The following PCDHGB4 variants were observed in gnomAD, a reference collection of about 807,000 sequenced individuals.
The protein encoded by PCDHGB4 is protocadherin gamma subfamily B, 4.
Under a neutral mutation model 60.5 loss-of-function variants are expected in PCDHGB4, and 38 were observed. The observed-to-expected ratio is 0.63, with a 90% CI of 0.48 to 0.82. The LOEUF (loss-of-function observed/expected upper bound fraction) is 0.82. Among genes scored for constraint, PCDHGB4 ranks in the 40% least tolerant of loss-of-function variants. PCDHGB4 has a pLI of 0.00. For missense variants in PCDHGB4, 1,109 were observed against 1,209.6 expected (o/e 0.92, Z 1.23); for synonymous variants, 456 against 509.7 (o/e 0.89, Z 1.42).
intron 1 of PCDHGB4, chr5:141,422,638 T>G (rs1412270971): frequency 6.2e-7 from 1 of 1,612,392 alleles, no homozygotes. Context: ...CAGGGGTGCC[T>G]CCATCTTCTC....
chr5:141,492,787 G>A (rs1308203463), intron 1 of PCDHGB4, among the ~76,000 whole-genome samples: 2 of 152,254 alleles, frequency 1.3e-5, no homozygotes, highest in Admixed American at 6.5e-5. Context: ...AGCCTCTATA[G>A]GACAGCAGGA....
Position 141,477,598 on chromosome 5 carries a change from C to A in PCDHGB4, c.2398-17209C>A. The A allele has an allele frequency of 6.2e-7, 1 of 1,614,180 alleles. No homozygotes were observed. The highest frequency in any genetic ancestry group is 8.5e-7 in the Non-Finnish European group (1 of 1,180,030). ...CCCCGCAGAATGCTCGGCTTTCTTT[C>A]TTTCTCTTGGAGCAAGGAGCTGAAA... On this transcript the variant is annotated intron_variant, in intron 1 of 3. Transcript: ENST00000519479. This position sits in a 1 kb window ranked among gnomAD's most constrained non-coding sequence, Gnocchi z 4.9.
chr5:141,414,210 T>G (rs1252033650), intron 1 of PCDHGB4: 1 of 1,612,706 alleles, frequency 6.2e-7, no homozygotes, highest in Admixed American at 1.7e-5. Context: ...AAGATGTAAA[T>G]GACAACAGTC....
chr5:141,481,658 T>C (rs910422064), intron 1 of PCDHGB4, among the ~76,000 whole-genome samples: 2 of 150,554 alleles, frequency 1.3e-5, no homozygotes, highest in East Asian at 2.0e-4. Context: ...TCTCTACTAA[T>C]AATACAAAAA....
At chr5:141,409,181 C>T (rs1280456560) in intron 1 of PCDHGB4, 2 of 1,613,992 alleles carry the variant, frequency 1.2e-6, no homozygotes, top group Non-Finnish European at 1.7e-6. Flanking sequence ...CGGAGGTGGT[C>T]TCTCTACCCA....
rs569260568 is a variant in PCDHGB4, at chr5:141,408,294, A to G, written c.2397+18013A>G. The G allele has an allele frequency of 2.0e-5, 33 of 1,613,508 alleles. No homozygotes were observed. The East Asian group carries it at 7.1e-4, about 35-fold the overall frequency. ...CCTTTGTTCTACCCCACCCTGAGTG[A>G]GCCGATCCGCTACTCGATTCCGGAG... is the stretch of plus-strand genomic sequence containing the variant. On this transcript the variant is annotated intron_variant, in intron 1 of 3. Coordinates refer to ENST00000519479, the MANE Select transcript of PCDHGB4 (RefSeq NM_003736.4).
intron 1 of PCDHGB4, chr5:141,415,014 C>T (rs747951360): frequency 1.2e-6 from 2 of 1,613,620 alleles, no homozygotes; most frequent in Non-Finnish European, 1.7e-6. Context: ...ACCGTCTGCT[C>T]AAGGCCAGCG....
At chr5:141,410,458 T>A in intron 1 of PCDHGB4, 1 of 1,614,040 alleles carries the variant, frequency 6.2e-7, no homozygotes, top group African/African-American at 1.3e-5. Flanking sequence ...CTTATTCTTA[T>A]AATCTGTGCA....
At chr5:141,404,224 AAC>A (rs1416261372) in intron 1 of PCDHGB4, 1 of 1,613,704 alleles carries the variant, frequency 6.2e-7, no homozygotes, top group Non-Finnish European at 8.5e-7. Flanking sequence ...CGGTGACTGC[AAC>A]AGACAGAGGA....
intron 3 of PCDHGB4, among the ~76,000 whole-genome samples, chr5:141,510,660 G>A (rs2099882170): frequency 1.3e-5 from 2 of 152,174 alleles, no homozygotes; most frequent in East Asian, 1.9e-4. Context: ...TTTTGCAGAT[G>A]AGAAAACTGA....
At chr5:141,394,072 T>C (rs1384581843) in intron 1 of PCDHGB4, 4 of 1,613,840 alleles carry the variant, frequency 2.5e-6, no homozygotes, top group Non-Finnish European at 3.4e-6. Context: ...ATCTACAATA[T>C]CACAGTGATG....
At chr5:141,464,611 A>G (rs2099087451) in intron 1 of PCDHGB4, among the ~76,000 whole-genome samples, 3 of 152,194 alleles carry the variant, frequency 2.0e-5, no homozygotes, top group African/African-American at 7.2e-5. Context: ...TTTGCAGAGT[A>G]TATTGTCAAG....
At chr5:141,403,378 T>G in intron 1 of PCDHGB4, 5 of 1,614,002 alleles carry the variant, frequency 3.1e-6, no homozygotes, top group Non-Finnish European at 4.2e-6. Context: ...AAGTAAAAAT[T>G]AACGAAATCG....
Position 141,409,092 on chromosome 5 carries a change from A to C in PCDHGB4, c.2397+18811A>C, listed in dbSNP as rs150634031. On this transcript the variant is annotated intron_variant, in intron 1 of 3. Coordinates refer to ENST00000519479, the MANE Select transcript of PCDHGB4 (RefSeq NM_003736.4). ...AAACATATGTTCTCATTGGATGAGA[A>C]AACAGGTATGATTAAGAATAACCAG... 12 of 1,614,050 alleles carry C rather than the reference A, an allele frequency of 7.4e-6. No homozygotes were observed. The East Asian group carries it at 2.7e-4, about 36-fold the overall frequency.
rs750233767 is a variant in PCDHGB4 at position 141,490,877 on chromosome 5, C to A, written c.2398-3930C>A. 1 of 1,613,880 alleles carries A rather than the reference C, an allele frequency of 6.2e-7. No individual in the cohort carries two copies. Among genetic ancestry groups the A allele is most frequent in the Non-Finnish European group, 8.5e-7 (1 of 1,179,900 alleles). On this transcript the variant is annotated intron_variant, in intron 1 of 3. Coordinates refer to ENST00000519479, the MANE Select transcript of PCDHGB4 (RefSeq NM_003736.4). This position sits in a 1 kb window ranked among gnomAD's most constrained non-coding sequence, Gnocchi z 5.4. Reference sequence around the variant, plus strand: ...GACTCCGGCTCTCCCCCATTGCATGCCAACACATCTCTGCATGTGTTTGTC... The same window carrying A: ...GACTCCGGCTCTCCCCCATTGCATGACAACACATCTCTGCATGTGTTTGTC...
chr5:141,483,121 T>C (rs922863446), intron 1 of PCDHGB4, among the ~76,000 whole-genome samples: 1 of 152,052 alleles, frequency 6.6e-6, no homozygotes, highest in Admixed American at 6.6e-5. Flanking sequence ...ACAGTCTTTG[T>C]AGGAGATGAG....
At chr5:141,419,394 G>A (rs778450240) in intron 1 of PCDHGB4, 2 of 1,613,612 alleles carry the variant, frequency 1.2e-6, no homozygotes, top group East Asian at 2.2e-5. Flanking sequence ...GCGCAGAGCG[G>A]GGTGGTGTTC....
chr5:141,485,070 G>A lies in PCDHGB4; in HGVS notation c.2398-9737G>A. On this transcript the variant is annotated intron_variant, in intron 1 of 3. Coordinates refer to ENST00000519479, the MANE Select transcript of PCDHGB4 (RefSeq NM_003736.4). The surrounding 1 kb of genome is among the most constrained non-coding windows in gnomAD (Gnocchi z 5.7). ...CGCCGGCCGAACCGCGCCAGAGCTG[G>A]CGCGGGGAAAGGGAGATAGGTGTCT... is the stretch of plus-strand genomic sequence containing the variant. The A allele has an allele frequency of 1.1e-6, 1 of 908,406 alleles. No individual in the cohort carries two copies. Among genetic ancestry groups the A allele is most frequent in the Non-Finnish European group, 1.7e-6 (1 of 580,008 alleles). 56.3% of individuals were successfully genotyped at this position (908,406 alleles called of 1,614,324 possible). A position where few individuals can be genotyped will look rare whatever the true frequency, so the allele number is the denominator to read the frequency against.
intron 1 of PCDHGB4, chr5:141,417,718 G>A: frequency 7.7e-7 from 1 of 1,304,720 alleles, no homozygotes; most frequent in Non-Finnish European, 1.0e-6. Flanking sequence ...GCTCCCGGCT[G>A]CGCAGACCTT....
Sources: allele counts gnomAD v4.1 joint callset (sites outside exome capture counted in the v4.1 genomes callset), GRCh38; gene constraint gnomAD v4.1.1; non-coding constraint Gnocchi (gnomAD v3.1); transcripts MANE v1.5; gene names NCBI Gene and HGNC (gene_info 2026-07-23, HGNC 2026-07-21).